Variants in COL5A3 observed in about 807,000 individuals in gnomAD.
The protein encoded by COL5A3 is collagen type V alpha 3 chain.
COL5A3 carries 172 observed loss-of-function variants against 250.0 expected under a neutral mutation model. The ratio of observed to expected loss-of-function variants is 0.69; its 90% CI spans 0.61 to 0.78. The LOEUF is 0.78. COL5A3 is among the 30% of genes least tolerant of loss of function. The pLI, the probability that COL5A3 is intolerant of heterozygous loss-of-function variation, is 0.00. For missense variants in COL5A3, 2,340 were observed against 2,334.4 expected (o/e 1.00, Z -0.05); for synonymous variants, 937 against 900.4 (o/e 1.04, Z -0.73).
chr19:9,971,129 G>T, intron 52 of COL5A3, 76 bp downstream of exon 52: 1 of 1,404,138 alleles, frequency 7.1e-7, no homozygotes, highest in Non-Finnish European at 9.6e-7. Context: ...CACTGTCAGT[G>T]CCCAGGTCTG....
At position 10,010,442 on chromosome 19, in the gene COL5A3, C is replaced by A. The variant is rs1224387138; in HGVS notation, c.-57G>T. On this transcript the variant is annotated 5_prime_UTR_variant, in exon 1 of 67. Coordinates refer to ENST00000264828, the MANE Select transcript of COL5A3 (RefSeq NM_015719.4). ...CAGTCGGGGCGGCTGCGGGGCGCGG[C>A]GACTTCTCGGGCTCGGTGCAGTCAC... 11 of 1,204,330 alleles carry A rather than the reference C, an allele frequency of 9.1e-6. No individual in the cohort carries two copies. Among genetic ancestry groups the A allele is most frequent in the African/African-American group, 1.6e-5 (1 of 62,630 alleles). The allele number at this position is 1,204,330 out of a possible 1,614,324, so 74.6% of individuals were successfully genotyped here.
intron 8 of COL5A3, among the ~76,000 whole-genome samples, chr19:10,000,028 G>A (rs1010936033): frequency 1.2e-4 from 18 of 152,066 alleles, no homozygotes; most frequent in African/African-American, 4.1e-4. Flanking sequence ...AAATTGCTGA[G>A]ATTATAGGTG....
chr19:9,979,031 C>A, intron 39 of COL5A3, 51 bp from the exon 40 acceptor site: 1 of 1,498,848 alleles, frequency 6.7e-7, no homozygotes, highest in Non-Finnish European at 8.9e-7. Context: ...GGATGTCTCC[C>A]TCCAATCTGT....
intron 61 of COL5A3, chr19:9,967,611 T>A (rs2086773097): frequency 3.5e-6 from 2 of 570,590 alleles, no homozygotes; most frequent in Non-Finnish European, 6.0e-6. Context: ...GACACAAATT[T>A]TCTTTTCATG....
rs186280301 is a variant in COL5A3 at position 9,996,722 on chromosome 19, C to T, written c.1264-33G>A. 142 of 1,553,880 alleles carry T rather than the reference C, an allele frequency of 9.1e-5. No homozygotes were observed. The Middle Eastern group carries it at 2.6e-3, about 29-fold the overall frequency. On this transcript the variant is annotated intron_variant, in intron 11 of 66. Coordinates refer to ENST00000264828, the MANE Select transcript of COL5A3 (RefSeq NM_015719.4). Reference sequence around the variant, plus strand: ...AGGGATGGGGGAAGAGAGGTGGAGACAGGGAGAGAGGGAGAGAGAGAGCGA... The same window carrying T: ...AGGGATGGGGGAAGAGAGGTGGAGATAGGGAGAGAGGGAGAGAGAGAGCGA...
At chr19:9,997,925 T>C in intron 10 of COL5A3, 59 bp downstream of exon 10, 2 of 1,585,034 alleles carry the variant, frequency 1.3e-6, no homozygotes, top group East Asian at 4.5e-5. Context: ...CTCCAGGGGA[T>C]TAAACACCCC....
chr19:9,998,023 C>G lies in COL5A3; in HGVS notation c.1161G>C (p.Gly387=), dbSNP rs145003621. ...CTCCTGGAGGTCCCTCAAACTGCTGCCCCTGAAGGGAGAAGTGAGTGTCGG... is the reference window on the plus strand; with the variant it reads ...CTCCTGGAGGTCCCTCAAACTGCTGGCCCTGAAGGGAGAAGTGAGTGTCGG... ...AKGEPAVIEK[G]QQFEGPPGAP... Residue 387 remains glycine (G), a splice_region_variant and synonymous_variant, in exon 10 of 67, where the codon GGG becomes GGC. Coordinates refer to ENST00000264828, the MANE Select transcript of COL5A3 (RefSeq NM_015719.4). 1.5e-4 allele frequency: 244 copies of G among 1,613,956 alleles called. No homozygotes were observed. The highest frequency in any genetic ancestry group is 2.0e-4 in the Non-Finnish European group (235 of 1,180,018).
At chr19:9,980,496 G>A (rs1599546860) in intron 35 of COL5A3, 152 bp downstream of exon 35, 3 of 1,132,780 alleles carry the variant, frequency 2.6e-6, no homozygotes, top group South Asian at 1.5e-5. Context: ...AGCATAGGTG[G>A]GACTACAGGC....
At chr19:9,987,821 G>A (rs1399371491) in intron 27 of COL5A3, among the ~76,000 whole-genome samples, 1 of 152,050 alleles carries the variant, frequency 6.6e-6, no homozygotes, top group Non-Finnish European at 1.5e-5. Flanking sequence ...TATAGTCCTA[G>A]CTATTCAGGA....
chr19:9,981,215 A>G, intron 32 of COL5A3, 83 bp from the exon 33 acceptor site: 1 of 1,238,244 alleles, frequency 8.1e-7, no homozygotes, highest in South Asian at 1.2e-5. Context: ...ACCCAGTCAC[A>G]GACCCAGAAA....
At chr19:9,975,313 C>G (rs930229828) in intron 45 of COL5A3, among the ~76,000 whole-genome samples, 1 of 152,022 alleles carries the variant, frequency 6.6e-6, no homozygotes, top group African/African-American at 2.4e-5. Context: ...CTCCTGACCT[C>G]AGGTGATCCA....
chr19:9,973,447 A>T lies in COL5A3; in HGVS notation c.3666+123T>A, dbSNP rs571212111. 19 of 969,876 alleles carry T rather than the reference A, an allele frequency of 2.0e-5. No individual in the cohort carries two copies. The East Asian group carries it at 4.6e-4, about 23-fold the overall frequency. The allele number at this position is 969,876 out of a possible 1,614,324, so 60.1% of individuals were successfully genotyped here. On this transcript the variant is annotated intron_variant, in intron 50 of 66. Coordinates refer to ENST00000264828, the MANE Select transcript of COL5A3 (RefSeq NM_015719.4). ...GTGTCCTTCCTCAAGGTAATCAGGG[A>T]CGGCCACAGGACAGGGGTGAGTGGA... is the stretch of plus-strand genomic sequence containing the variant.
At position 10,005,889 on chromosome 19, in the gene COL5A3, G is replaced by T. The variant is rs1355931443; in HGVS notation, c.344C>A (p.Ala115Asp). The change falls in exon 3 of 67, where the codon GCC becomes GAC. Residue 115 changes from alanine to aspartate, a missense_variant. Transcript: ENST00000264828. ...CCCCAGTGCCAGGCCCAACTGCCGG[G>T]CACCCCTTTCATCATAAATGGACAG... ...VLLSIYDERG[A>D]RQLGLALGPA... 1.2e-6 allele frequency: 2 copies of T among 1,613,878 alleles called. No homozygotes were observed.
chr19:9,972,951 G>T lies in COL5A3; in HGVS notation c.3742C>A (p.Pro1248Thr), dbSNP rs747066452. ...CCTTTGGCTCCATCCTCTCCAGGGG[G>T]ACCTTTCTTGCCTGGGGGTCCAGCA... ...GAAGPPGKKG[P>T]PGEDGAKGSV... Residue 1248 changes from proline (P) to threonine (T), a missense_variant, in exon 51 of 67, where the codon CCC becomes ACC. This residue lies in a region of COL5A3 where 1,179 missense variants were observed against 1,162.6 expected (regional missense o/e 1.01). Coordinates refer to ENST00000264828, the MANE Select transcript of COL5A3 (RefSeq NM_015719.4). 19 of 1,611,414 alleles carry T rather than the reference G, an allele frequency of 1.2e-5. No homozygotes were observed. Among genetic ancestry groups the T allele is most frequent in the Non-Finnish European group, 1.5e-5 (18 of 1,178,962 alleles).
chr19:10,007,079 G>C (rs1203968691), intron 1 of COL5A3, among the ~76,000 whole-genome samples: 8 of 135,662 alleles, frequency 5.9e-5, no homozygotes, highest in Admixed American at 5.3e-4. Context: ...TCTTCCTTCT[G>C]ACTTTCCCCT....
At position 9,985,827 on chromosome 19, in the gene COL5A3, C is replaced by G; in HGVS notation, c.2406+15G>C. 6.2e-7 allele frequency: 1 copy of G among 1,610,482 alleles called. No individual in the cohort carries two copies. The highest frequency in any genetic ancestry group is 2.2e-5 in the East Asian group (1 of 44,818). ...TGCCCATATCCATCTCCACCCCCCA[C>G]CCCCAGCTTCCTACCTTAGGTCCAG... is the stretch of plus-strand genomic sequence containing the variant. On this transcript the variant is annotated intron_variant, in intron 31 of 66. Transcript: ENST00000264828.
intron 24 of COL5A3, among the ~76,000 whole-genome samples, chr19:9,990,392 CAAA>C (rs879496349): frequency 1.2e-5 from 1 of 81,832 alleles, no homozygotes. Context: ...GAAATTCTGT[CAAA>C]AAAAAAAAAA....
intron 50 of COL5A3, 125 bp downstream of exon 50, chr19:9,973,445 G>T: frequency 1.0e-6 from 1 of 957,060 alleles, no homozygotes. Flanking sequence ...AGGTAATCAG[G>T]GACGGCCACA....
chr19:10,006,194 T>A lies in COL5A3; in HGVS notation c.126A>T (p.Gly42=). Reference sequence around the variant, plus strand: ...GCCCCTCGGGGACCCCAGCCTGGCCTCCCTGCACACCCAGGGCCTTCAGGA... The same window carrying A: ...GCCCCTCGGGGACCCCAGCCTGGCCACCCTGCACACCCAGGGCCTTCAGGA... The part of the protein sequence containing the change: ...VDVLKALGVQ[G]GQAGVPEGPG... The change falls in exon 2 of 67, where the codon GGA becomes GGT. Residue 42 remains glycine (G), a synonymous_variant. Coordinates refer to ENST00000264828, the MANE Select transcript of COL5A3 (RefSeq NM_015719.4). The A allele has an allele frequency of 6.9e-6, 11 of 1,605,772 alleles. No individual in the cohort carries two copies. Among genetic ancestry groups the A allele is most frequent in the Non-Finnish European group, 6.8e-6 (8 of 1,176,546 alleles).
Sources: gnomAD v4.1 joint callset for allele counts (sites outside exome capture counted in the v4.1 genomes callset) on GRCh38, gnomAD v4.1.1 for gene constraint, gnomAD v4.1.1 regional missense constraint, MANE v1.5 for transcripts, NCBI Gene and HGNC (gene_info 2026-07-23, HGNC 2026-07-21) for gene names.